Variants in CSMD1 observed in about 807,000 individuals in gnomAD.
CSMD1 encodes CUB and sushi domain-containing protein 1.
Under a neutral mutation model 417.5 loss-of-function variants are expected in CSMD1, and 213 were observed. That is an observed-to-expected ratio of 0.51 (90% CI 0.46 to 0.57). The LOEUF is 0.57. Among genes scored for constraint, CSMD1 ranks in the 20% least tolerant of loss-of-function variants. The probability of loss-of-function intolerance (pLI) is 0.00; values close to 1 mark genes in which losing one functional copy is unlikely to be tolerated. For synonymous variants in CSMD1, 2,862 were observed against 1,736.8 expected, an observed-to-expected ratio of 1.65 and a Z score of -16.11; for missense variants, 6,923 against 4,529.7, an observed-to-expected ratio of 1.53 and a Z score of -15.17.
chr8:4,146,502 G>C (rs1266496599), intron 3 of CSMD1, among the ~76,000 whole-genome samples: 1 of 146,694 alleles, frequency 6.8e-6, no homozygotes, highest in African/African-American at 2.6e-5. Context: ...CTCAGACGTT[G>C]TGATGTGCAC....
At chr8:3,749,023 C>T (rs1446531675) in intron 6 of CSMD1, among the ~76,000 whole-genome samples, 4 of 152,134 alleles carry the variant, frequency 2.6e-5, no homozygotes, top group South Asian at 2.1e-4. Flanking sequence ...TATAAACAGC[C>T]GGGTAAAGGT....
rs1304394012 is a variant in CSMD1 at position 3,052,554 on chromosome 8, T to C, written c.7568A>G (p.Glu2523Gly). 1 of 1,609,608 alleles carries C rather than the reference T, an allele frequency of 6.2e-7. No homozygotes were observed. Among genetic ancestry groups the C allele is most frequent in the Non-Finnish European group, 8.5e-7 (1 of 1,177,886 alleles). Residue 2523 changes from glutamate to glycine, a missense_variant, in exon 50 of 70, where the codon GAG becomes GGG. By Grantham distance (98) the Glu-to-Gly change is moderately conservative (BLOSUM62 -2). Transcript: ENST00000635120. Reference protein sequence around the residue: ...LDSKVVYECHEGFKLESSQQA... With the variant: ...LDSKVVYECHGGFKLESSQQA... ...CTGGCTGGATTCAAGCTTGAAGCCC[T>C]CATGACATTCATAGACCACTTTACT...
chr8:3,199,825 G>A lies in CSMD1; in HGVS notation c.5099-16C>T, dbSNP rs1281423826. 6.5e-7 allele frequency: 1 copy of A among 1,531,238 alleles called. No individual in the cohort carries two copies. The highest frequency in any genetic ancestry group is 8.9e-7 in the Non-Finnish European group (1 of 1,125,936). The allele number at this position is 1,531,238 out of a possible 1,614,324, so 94.9% of individuals were successfully genotyped here. On this transcript the variant is annotated splice_polypyrimidine_tract_variant and intron_variant, in intron 32 of 69. Coordinates refer to ENST00000635120, the MANE Select transcript of CSMD1 (RefSeq NM_033225.6). Reference sequence around the variant, plus strand: ...AATGTTTCCCCTAGAAACGAAAACAGAGACAGATTCAGAAAACACACAGCA... The same window carrying A: ...AATGTTTCCCCTAGAAACGAAAACAAAGACAGATTCAGAAAACACACAGCA...
At chr8:3,437,040 G>A (rs1248725930) in intron 12 of CSMD1, among the ~76,000 whole-genome samples, 1 of 152,168 alleles carries the variant, frequency 6.6e-6, no homozygotes, top group East Asian at 1.9e-4. Context: ...AAAGTGTGGA[G>A]CTTAATTCTT....
intron 1 of CSMD1, among the ~76,000 whole-genome samples, chr8:4,717,896 G>C (rs977159178): frequency 6.6e-6 from 1 of 152,126 alleles, no homozygotes; most frequent in Non-Finnish European, 1.5e-5. Flanking sequence ...AAAATAAATA[G>C]GATGACTAAA....
chr8:3,469,984 A>G (rs370090730), intron 11 of CSMD1, among the ~76,000 whole-genome samples: 4 of 152,018 alleles, frequency 2.6e-5, no homozygotes, highest in East Asian at 3.9e-4. Context: ...TCTTATTCAT[A>G]CATTTATTGA....
chr8:4,156,964 G>A (rs911810895), intron 3 of CSMD1, among the ~76,000 whole-genome samples: 4 of 152,090 alleles, frequency 2.6e-5, no homozygotes, highest in African/African-American at 7.2e-5. Flanking sequence ...CTTTGCAACT[G>A]CTTGGCAGAT....
intron 7 of CSMD1, among the ~76,000 whole-genome samples, chr8:3,687,502 C>T (rs1171590053): frequency 6.6e-6 from 1 of 152,072 alleles, no homozygotes; most frequent in African/African-American, 2.4e-5. Context: ...AAAAAGCAAC[C>T]ATCTCAATTT....
chr8:4,457,282 C>A (rs950913588), intron 2 of CSMD1, among the ~76,000 whole-genome samples: 2 of 152,076 alleles, frequency 1.3e-5, no homozygotes, highest in Non-Finnish European at 2.9e-5. Context: ...TTACATATAT[C>A]ATTTGAATTG....
chr8:3,841,212 A>T (rs2129094264), intron 5 of CSMD1, among the ~76,000 whole-genome samples: 1 of 152,326 alleles, frequency 6.6e-6, no homozygotes, highest in South Asian at 2.1e-4. Context: ...ATACAATTTC[A>T]ATAAACTTGT....
intron 18 of CSMD1, among the ~76,000 whole-genome samples, chr8:3,375,843 C>CCCCT: frequency 1.3e-5 from 2 of 152,290 alleles, no homozygotes; most frequent in East Asian, 3.9e-4. Flanking sequence ...GTGATTCACA[C>CCCCT]CCCTCAATCC....
At chr8:4,273,409 C>T (rs943891526) in intron 3 of CSMD1, among the ~76,000 whole-genome samples, 1 of 152,010 alleles carries the variant, frequency 6.6e-6, no homozygotes, top group Non-Finnish European at 1.5e-5. Flanking sequence ...CCGGTGCAAC[C>T]CTGCTCAGGT....
intron 1 of CSMD1, among the ~76,000 whole-genome samples, chr8:4,876,411 G>C (rs185898505): frequency 5.9e-5 from 9 of 152,192 alleles, no homozygotes; most frequent in South Asian, 4.1e-4. Context: ...AGGAGTACAA[G>C]TGGCCTGTTT....
At chr8:4,942,108 T>G (rs5004551) in intron 1 of CSMD1, among the ~76,000 whole-genome samples, 77,490 of 151,986 alleles carry the variant, frequency 0.51, 21,093 homozygotes, top group East Asian at 0.79. Context: ...ATTCCACAAT[T>G]CCTAAATATT....
intron 3 of CSMD1, among the ~76,000 whole-genome samples, chr8:4,054,736 T>C (rs937965786): frequency 2.0e-5 from 3 of 152,286 alleles, no homozygotes; most frequent in South Asian, 2.1e-4. Context: ...TTTGGACATT[T>C]TGTGATGTGT....
chr8:4,386,068 C>T (rs1400047926), intron 3 of CSMD1, among the ~76,000 whole-genome samples: 2 of 152,112 alleles, frequency 1.3e-5, no homozygotes, highest in East Asian at 1.9e-4. Flanking sequence ...TCTGTGATAC[C>T]TTCTTGTGTT....
chr8:2,981,217 G>T (rs1199325076), intron 54 of CSMD1, among the ~76,000 whole-genome samples: 1 of 152,202 alleles, frequency 6.6e-6, no homozygotes, highest in Non-Finnish European at 1.5e-5. Context: ...TTATCTGCCA[G>T]AAGAGTTTGT....
At chr8:3,892,715 GTTTTTTT>G (rs35178951) in intron 5 of CSMD1, among the ~76,000 whole-genome samples, 112 of 107,056 alleles carry the variant, frequency 1.0e-3, no homozygotes, top group African/African-American at 3.6e-3. Context: ...ATTTAGGCAG[GTTTTTTT>G]TTTTTTTTTT....
intron 6 of CSMD1, among the ~76,000 whole-genome samples, chr8:3,709,910 A>G (rs202206616): frequency 4.2e-5 from 4 of 95,750 alleles, no homozygotes; most frequent in East Asian, 3.1e-4. Context: ...TGAAGTATAT[A>G]CAGGAGACCC....
Sources: gnomAD v4.1 joint callset for allele counts (sites outside exome capture counted in the v4.1 genomes callset) on GRCh38, gnomAD v4.1.1 for gene constraint, MANE v1.5 for transcripts, NCBI Gene and HGNC (gene_info 2026-07-23, HGNC 2026-07-21) for gene names.